ZMYM2: variants seen among roughly 807,000 people sequenced by gnomAD.
ZMYM2 encodes zinc finger MYM-type containing 2.
ZMYM2 carries 56 observed loss-of-function variants against 162.8 expected under a neutral mutation model. The ratio of observed to expected loss-of-function variants is 0.34; its 90% CI spans 0.28 to 0.43. The LOEUF (loss-of-function observed/expected upper bound fraction) is 0.43. Ranked by LOEUF, ZMYM2 falls within the 20% of genes least tolerant of loss-of-function variation. The pLI, the probability that ZMYM2 is intolerant of heterozygous loss-of-function variation, is 1.00. For synonymous variants in ZMYM2, 510 were observed against 541.6 expected (o/e 0.94, Z 0.81); for missense variants, 1,275 against 1,621.8 (o/e 0.79, Z 3.67).
At chr13:20,016,296 CTTTTTGTTATAGATTACAT>C (rs1253430373) in intron 6 of ZMYM2, among the ~76,000 whole-genome samples, 2 of 152,026 alleles carry the variant, frequency 1.3e-5, no homozygotes, top group African/African-American at 4.8e-5. Context: ...TCTGTTCCCT[CTTTTTGTTATAGATTACAT>C]TTTTAAGCAT....
the ZMYM2 span, among the ~76,000 whole-genome samples, chr13:19,926,360 ATTTT>A: frequency 1.9e-5 from 2 of 105,438 alleles, no homozygotes; most frequent in African/African-American, 3.6e-5. Context: ...AGGACTACTT[ATTTT>A]TTTTTTTTTT....
intron 2 of ZMYM2, among the ~76,000 whole-genome samples, chr13:19,991,624 C>CTT (rs11413369): frequency 0.011 from 1,426 of 131,216 alleles, 15 homozygotes; most frequent in African/African-American, 0.021. Flanking sequence ...TTTTCTTTTT[C>CTT]TTTTTTTTTT....
chr13:20,072,732 A>T (rs894970993), intron 21 of ZMYM2, among the ~76,000 whole-genome samples: 1 of 151,938 alleles, frequency 6.6e-6, no homozygotes, highest in Non-Finnish European at 1.5e-5. Context: ...CAGTTCCTTT[A>T]GTTGATATCA....
At chr13:19,915,390 T>C in the ZMYM2 span, among the ~76,000 whole-genome samples, 1 of 152,296 alleles carries the variant, frequency 6.6e-6, no homozygotes, top group East Asian at 1.9e-4. Flanking sequence ...CCACCATGCC[T>C]GCATGCTTGG....
chr13:20,012,217 C>T (rs1267677469), intron 6 of ZMYM2, among the ~76,000 whole-genome samples: 1 of 151,088 alleles, frequency 6.6e-6, no homozygotes, highest in Non-Finnish European at 1.5e-5. Flanking sequence ...GGTCTGTAGC[C>T]CAGGCTGGAG....
intron 6 of ZMYM2, among the ~76,000 whole-genome samples, chr13:20,007,489 A>G (rs1036200340): frequency 1.3e-5 from 2 of 151,926 alleles, no homozygotes; most frequent in East Asian, 3.9e-4. Context: ...TCCATTGCTC[A>G]TTGGAAAGGT....
chr13:20,004,247 A>AGTTTT (rs978265886), intron 4 of ZMYM2, among the ~76,000 whole-genome samples: 1 of 151,700 alleles, frequency 6.6e-6, no homozygotes, highest in African/African-American at 2.4e-5. Context: ...CAGTATTGTC[A>AGTTTT]GTTTTGTTTT....
intron 12 of ZMYM2, among the ~76,000 whole-genome samples, chr13:20,040,536 C>CA (rs2066645072): frequency 3.3e-5 from 5 of 150,924 alleles, no homozygotes; most frequent in South Asian, 2.1e-4. Flanking sequence ...CCCCTGCACG[C>CA]AAAAAAATAA....
At chr13:19,979,764 G>C (rs1028390205) in intron 2 of ZMYM2, among the ~76,000 whole-genome samples, 1 of 152,186 alleles carries the variant, frequency 6.6e-6, no homozygotes, top group Non-Finnish European at 1.5e-5. Context: ...TGAGGAATGA[G>C]GGATAGTGGC....
intron 16 of ZMYM2, among the ~76,000 whole-genome samples, chr13:20,060,472 A>G (rs1167365030): frequency 6.6e-6 from 1 of 152,206 alleles, no homozygotes; most frequent in African/African-American, 2.4e-5. Context: ...TGAGGTCAGG[A>G]GTTCAAGACC....
chr13:20,006,927 G>A (rs1243265538), intron 6 of ZMYM2, among the ~76,000 whole-genome samples: 1 of 152,200 alleles, frequency 6.6e-6, no homozygotes, highest in African/African-American at 2.4e-5. Flanking sequence ...TTATCAGGAT[G>A]TAACTCCATT....
At chr13:19,966,121 T>TG (rs1566169518) in intron 2 of ZMYM2, among the ~76,000 whole-genome samples, 13 of 147,762 alleles carry the variant, frequency 8.8e-5, no homozygotes, top group African/African-American at 3.3e-4. Context: ...CTTGTTTTTT[T>TG]TTTTGTTTTT....
At chr13:19,979,894 C>T (rs979839673) in intron 2 of ZMYM2, among the ~76,000 whole-genome samples, 2 of 152,108 alleles carry the variant, frequency 1.3e-5, no homozygotes, top group South Asian at 2.1e-4. Context: ...TCATTTTTTC[C>T]CACTCAATGG....
intron 6 of ZMYM2, among the ~76,000 whole-genome samples, chr13:20,007,948 A>G (rs1377331390): frequency 6.6e-6 from 1 of 152,038 alleles, no homozygotes; most frequent in Non-Finnish European, 1.5e-5. Flanking sequence ...TGAGTTATAT[A>G]GTAGTCCTTT....
chr13:20,011,015 A>G (rs1322686582), intron 6 of ZMYM2, among the ~76,000 whole-genome samples: 1 of 152,218 alleles, frequency 6.6e-6, no homozygotes, highest in Non-Finnish European at 1.5e-5. Context: ...ACATGTATAA[A>G]ATGTGGAATG....
At chr13:20,044,837 G>A (rs1002444078) in intron 12 of ZMYM2, among the ~76,000 whole-genome samples, 6 of 151,878 alleles carry the variant, frequency 4.0e-5, no homozygotes, top group African/African-American at 1.5e-4. Flanking sequence ...ATCACTTGAG[G>A]TCAGGAGTTC....
At chr13:20,024,034 A>G (rs1288312035) in intron 7 of ZMYM2, among the ~76,000 whole-genome samples, 2 of 151,482 alleles carry the variant, frequency 1.3e-5, no homozygotes, top group Non-Finnish European at 2.9e-5. Context: ...TCCCAGGTTC[A>G]AGTGATTCTT....
chr13:19,883,017 A>G, the ZMYM2 span, among the ~76,000 whole-genome samples: 41 of 152,328 alleles, frequency 2.7e-4, no homozygotes, highest in Middle Eastern at 0.01. Context: ...CCATTAATGG[A>G]CGAAAGGATA....
At chr13:20,043,526 G>A (rs1277986348) in intron 12 of ZMYM2, among the ~76,000 whole-genome samples, 8 of 152,124 alleles carry the variant, frequency 5.3e-5, no homozygotes, top group African/African-American at 1.2e-4. Context: ...GTGGCAGGGC[G>A]CTGGCAGGTG....
Sources: allele counts gnomAD v4.1 joint callset (sites outside exome capture counted in the v4.1 genomes callset), GRCh38; gene constraint gnomAD v4.1.1; transcripts MANE v1.5; gene names NCBI Gene and HGNC (gene_info 2026-07-23, HGNC 2026-07-21).